The following PRKG1 variants were observed in gnomAD, a reference collection of about 807,000 sequenced individuals.
PRKG1 encodes the protein protein kinase cGMP-dependent 1.
In PRKG1, 35 loss-of-function variants were observed where a neutral mutation model predicts 88.1. That is an observed-to-expected ratio of 0.40 (90% CI 0.30 to 0.53). PRKG1 has a LOEUF of 0.53. Ranked by LOEUF, PRKG1 falls within the 20% of genes least tolerant of loss-of-function variation. The pLI is 0.59. For synonymous variants in PRKG1, 303 were observed against 292.5 expected (o/e 1.04, Z -0.37); for missense variants, 540 against 839.8 (o/e 0.64, Z 4.41).
intron 7 of PRKG1, chr10:52,128,019 C>T (rs765965734): frequency 2.3e-5 from 23 of 980,798 alleles, no homozygotes; most frequent in Non-Finnish European, 2.7e-5. Flanking sequence ...TTCTTTGATG[C>T]TTGTCATTTC....
At chr10:51,694,176 A>T (rs1170089356) in intron 3 of PRKG1, among the ~76,000 whole-genome samples, 1 of 152,224 alleles carries the variant, frequency 6.6e-6, no homozygotes, top group Admixed American at 6.5e-5. Flanking sequence ...GAAGACTCTC[A>T]GATGTAACTG....
chr10:51,025,747 A>G (rs1843195913), intron 1 of PRKG1, among the ~76,000 whole-genome samples: 1 of 152,160 alleles, frequency 6.6e-6, no homozygotes, highest in Non-Finnish European at 1.5e-5. Context: ...AGGCACCACA[A>G]GTTCTTTAAA....
chr10:51,476,290 A>G lies in PRKG1; in HGVS notation c.592+8454A>G, dbSNP rs143906620. On this transcript the variant is annotated intron_variant, in intron 3 of 17. Transcript: ENST00000373980. ...TCAATATTTGCAGGAGTCCTGAAGAATTGAGTTTTCACTGTGAAGGTGACA... is the reference window on the plus strand; with the variant it reads ...TCAATATTTGCAGGAGTCCTGAAGAGTTGAGTTTTCACTGTGAAGGTGACA... Among the ~76,000 whole-genome samples, 711 of 152,192 alleles carry G rather than the reference A, an allele frequency of 4.7e-3. 2 individuals are homozygous for G. Among genetic ancestry groups the G allele is most frequent in the Middle Eastern group, 0.01 (3 of 294 alleles).
chr10:52,041,003 A>T (rs1384828547), intron 5 of PRKG1, among the ~76,000 whole-genome samples: 1 of 150,836 alleles, frequency 6.6e-6, no homozygotes, highest in African/African-American at 2.4e-5. Context: ...TGCCCTGCTT[A>T]TTTTTTTGCA....
At chr10:51,976,311 A>T (rs1228632112) in intron 5 of PRKG1, among the ~76,000 whole-genome samples, 1 of 152,048 alleles carries the variant, frequency 6.6e-6, no homozygotes, top group East Asian at 1.9e-4. Context: ...ATGGATGTCC[A>T]TTACAGAATT....
At chr10:51,513,069 G>C (rs1401576697) in intron 3 of PRKG1, among the ~76,000 whole-genome samples, 1 of 151,164 alleles carries the variant, frequency 6.6e-6, no homozygotes, top group Non-Finnish European at 1.5e-5. Flanking sequence ...AAATTTGTTT[G>C]AGTTCATTGT....
At chr10:51,353,396 C>T (rs1408273413) in intron 2 of PRKG1, among the ~76,000 whole-genome samples, 2 of 152,010 alleles carry the variant, frequency 1.3e-5, no homozygotes, top group Non-Finnish European at 2.9e-5. Flanking sequence ...TCAAACTCTC[C>T]GTCTGACAAG....
At chr10:51,023,682 A>G (rs373522912) in intron 1 of PRKG1, among the ~76,000 whole-genome samples, 74 of 152,346 alleles carry the variant, frequency 4.9e-4, no homozygotes, top group African/African-American at 1.6e-3. Flanking sequence ...TAAGTAATGC[A>G]TAACCTGGGC....
intron 7 of PRKG1, among the ~76,000 whole-genome samples, chr10:52,077,330 A>T (rs1846654373): frequency 6.6e-6 from 1 of 152,094 alleles, no homozygotes; most frequent in Admixed American, 6.6e-5. Context: ...CAGATTAAAA[A>T]AAGTACATGC....
intron 5 of PRKG1, among the ~76,000 whole-genome samples, chr10:52,013,469 A>T (rs556674917): frequency 6.6e-6 from 1 of 151,826 alleles, no homozygotes; most frequent in South Asian, 2.1e-4. Flanking sequence ...ATGCACTGTG[A>T]CTGGGAAAAT....
chr10:51,218,529 A>C (rs1353851857), intron 2 of PRKG1, among the ~76,000 whole-genome samples: 1 of 62,922 alleles, frequency 1.6e-5, no homozygotes, highest in Non-Finnish European at 2.8e-5. Context: ...ATATATATAT[A>C]TAAAATGTGT....
intron 1 of PRKG1, among the ~76,000 whole-genome samples, chr10:51,031,048 GT>G (rs1387786401): frequency 6.6e-6 from 1 of 152,136 alleles, no homozygotes; most frequent in African/African-American, 2.4e-5. Context: ...AGGTCACCTA[GT>G]TTCTTGAGTG....
intron 1 of PRKG1, among the ~76,000 whole-genome samples, chr10:51,106,708 T>G (rs188946674): frequency 2.0e-4 from 30 of 152,260 alleles, no homozygotes; most frequent in African/African-American, 5.8e-4. Context: ...AGCCAGGGAA[T>G]AGAAAAACAA....
chr10:51,521,151 G>A (rs1841726418), intron 3 of PRKG1, among the ~76,000 whole-genome samples: 1 of 152,152 alleles, frequency 6.6e-6, no homozygotes, highest in African/African-American at 2.4e-5. Context: ...GCTGAGAGTG[G>A]TGGCATGTGC....
At chr10:51,294,288 AT>A (rs1840661069) in intron 2 of PRKG1, among the ~76,000 whole-genome samples, 1 of 152,098 alleles carries the variant, frequency 6.6e-6, no homozygotes, top group Non-Finnish European at 1.5e-5. Context: ...AAATATCATG[AT>A]CCAAATTAAT....
rs557080058 is a variant in PRKG1 at position 51,897,747 on chromosome 10, C to T, written c.699-9760C>T. ...AACAGAGCCCAGCTGCTCCTCATCT[C>T]CTCCTTTGCTTCCATGCTGTCCAGC... is the stretch of plus-strand genomic sequence containing the variant. On this transcript the variant is annotated intron_variant, in intron 4 of 17. Transcript: ENST00000373980. Among the ~76,000 whole-genome samples the T allele has an allele frequency of 3.9e-5, 6 of 152,258 alleles. No homozygotes were observed. In the South Asian group the frequency reaches 1.2e-3, roughly 32 times the overall value.
At chr10:51,128,331 A>G (rs1845482770) in intron 1 of PRKG1, among the ~76,000 whole-genome samples, 1 of 152,196 alleles carries the variant, frequency 6.6e-6, no homozygotes, top group African/African-American at 2.4e-5. Context: ...AAGTGATTCC[A>G]TATGCACGGA....
intron 2 of PRKG1, among the ~76,000 whole-genome samples, chr10:51,454,625 G>A (rs1839529306): frequency 6.6e-6 from 1 of 152,166 alleles, no homozygotes; most frequent in South Asian, 2.1e-4. Context: ...AATCATGGTG[G>A]AAGCAAAAGA....
chr10:51,428,761 T>C (rs1277446475), intron 2 of PRKG1, among the ~76,000 whole-genome samples: 1 of 152,146 alleles, frequency 6.6e-6, no homozygotes, highest in Non-Finnish European at 1.5e-5. Context: ...AAAAAACGCA[T>C]GCCCCTGTGC....
Sources: allele counts gnomAD v4.1 joint callset (sites outside exome capture counted in the v4.1 genomes callset), GRCh38; gene constraint gnomAD v4.1.1; transcripts MANE v1.5; gene names NCBI Gene and HGNC (gene_info 2026-07-23, HGNC 2026-07-21).